Variants in SETD1A observed in about 807,000 individuals in gnomAD.
SETD1A encodes the protein histone-lysine N-methyltransferase SETD1A.
Under a neutral mutation model 149.9 loss-of-function variants are expected in SETD1A, and 29 were observed. The ratio of observed to expected loss-of-function variants is 0.19; its 90% CI spans 0.14 to 0.26. The LOEUF (loss-of-function observed/expected upper bound fraction) is 0.26, where lower values mean the gene tolerates loss of function less well. SETD1A is among the 10% of genes least tolerant of loss of function. The pLI, the probability that SETD1A is intolerant of heterozygous loss-of-function variation, is 1.00. For missense variants in SETD1A, 2,109 were observed against 2,353.1 expected, an observed-to-expected ratio of 0.90 and a Z score of 2.15; for synonymous variants, 1,141 against 968.5, an observed-to-expected ratio of 1.18 and a Z score of -3.31.
chr16:30,972,748 G>C (rs2056240888), intron 13 of SETD1A, among the ~76,000 whole-genome samples: 2 of 152,020 alleles, frequency 1.3e-5, no homozygotes, highest in Admixed American at 1.3e-4. Flanking sequence ...CAGCTGCTCG[G>C]GAGGCTGAGG....
At chr16:30,963,306 A>G in intron 4 of SETD1A, 127 bp from the exon 5 acceptor site, 2 of 810,034 alleles carry the variant, frequency 2.5e-6, no homozygotes, top group Non-Finnish European at 3.8e-6. Context: ...TGGTAGGAGA[A>G]CTGAAATCCT....
intron 13 of SETD1A, among the ~76,000 whole-genome samples, chr16:30,975,040 G>A (rs1183685051): frequency 1.3e-5 from 2 of 152,026 alleles, no homozygotes; most frequent in South Asian, 2.1e-4. Flanking sequence ...CCAGCTACTC[G>A]GGAGGCTGAG....
chr16:30,973,373 G>A (rs1374415328), intron 13 of SETD1A, among the ~76,000 whole-genome samples: 1 of 152,136 alleles, frequency 6.6e-6, no homozygotes, highest in Non-Finnish European at 1.5e-5. Flanking sequence ...TGCAAGGATA[G>A]ATCAAATAAG....
Position 30,979,216 on chromosome 16 carries a change from G to T in SETD1A, c.3430G>T (p.Ala1144Ser), listed in dbSNP as rs1380657156. 8.9e-5 allele frequency: 138 copies of T among 1,551,384 alleles called. No individual in the cohort carries two copies. In the Admixed American group the frequency reaches 9.5e-4, roughly 11 times the overall value. The change falls in exon 14 of 19, where the codon GCC becomes TCC. Residue 1144 changes from alanine (A) to serine (S), a missense_variant. Around this residue, in one of 8 missense-constraint regions of SETD1A, gnomAD observed 832 missense variants for 815.6 expected, o/e 1.02. Transcript: ENST00000262519. ...ACCACCTGCTGGGCCCCCGGCCCCT[G>T]CCCCACGCCCCGATGAGCGTCCCTC... ...PEPPAGPPAP[A>S]PRPDERPSSP...
At position 30,980,578 on chromosome 16, in the gene SETD1A, C is replaced by T; in HGVS notation, c.4502C>T (p.Pro1501Leu). 6.2e-7 allele frequency: 1 copy of T among 1,614,166 alleles called. No individual in the cohort carries two copies. The highest frequency in any genetic ancestry group is 8.5e-7 in the Non-Finnish European group (1 of 1,180,044). ...TGSARSEGYYPISKKEKDKYL... is the reference protein window; with the variant it reads ...TGSARSEGYYLISKKEKDKYL... ...TCAGCCCGCAGCGAAGGCTACTACC[C>T]CATCAGCAAGAAGGAGAAGGACAAG... The change falls in exon 15 of 19, where the codon CCC becomes CTC. Residue 1501 changes from proline to leucine, a missense_variant. Transcript: ENST00000262519. The surrounding 1 kb of genome is among the most constrained non-coding windows in gnomAD (Gnocchi z 7.7).
intron 4 of SETD1A, among the ~76,000 whole-genome samples, chr16:30,962,420 T>G (rs907774897): frequency 2.0e-5 from 3 of 152,192 alleles, no homozygotes; most frequent in African/African-American, 7.2e-5. Flanking sequence ...TGGTGCCAGA[T>G]TCTCAGAAAT....
At chr16:30,970,285 T>G (rs2056208729) in intron 12 of SETD1A, among the ~76,000 whole-genome samples, 1 of 122,238 alleles carries the variant, frequency 8.2e-6, no homozygotes, top group Non-Finnish European at 1.8e-5. Context: ...TTTTTTTTTT[T>G]GAGACAGAGT....
In SETD1A at chr16:30,964,353, C is replaced by T. The variant is rs1034668535; in HGVS notation, c.869+30C>T. On this transcript the variant is annotated intron_variant, in intron 6 of 18. Transcript: ENST00000262519. ...AGAGCAGACCCCGCCTGGGGCCCCG[C>T]CCGCAAAGTCTGGGAGCTGCCACTG... The T allele has an allele frequency of 1.9e-6, 3 of 1,560,230 alleles. No individual in the cohort carries two copies. In the African/African-American group the frequency reaches 4.1e-5, roughly 21 times the overall value.
chr16:30,963,278 G>T (rs954609609), intron 4 of SETD1A, among the ~76,000 whole-genome samples, 155 bp from the exon 5 acceptor site: 3 of 152,162 alleles, frequency 2.0e-5, no homozygotes, highest in Non-Finnish European at 2.9e-5. Flanking sequence ...AAGGTAGAAG[G>T]TCCCAAAGGT....
Position 30,965,816 on chromosome 16 carries a change from G to C in SETD1A, c.1935G>C (p.Glu645Asp). Residue 645 changes from glutamate to aspartate, a missense_variant, in exon 8 of 19, where the codon GAG becomes GAC. Glu to Asp is a conservative substitution (Grantham distance 45). Transcript: ENST00000262519. ...PPRPDGPPPP[E>D]YPPPPPPPPH... ...GACCTGATGGGCCGCCGCCCCCTGAGTACCCCCCACCTCCTCCACCACCCC... is the reference window on the plus strand; with the variant it reads ...GACCTGATGGGCCGCCGCCCCCTGACTACCCCCCACCTCCTCCACCACCCC... The C allele has an allele frequency of 6.3e-7, 1 of 1,588,712 alleles. No individual in the cohort carries two copies. Among genetic ancestry groups the C allele is most frequent in the Non-Finnish European group, 8.6e-7 (1 of 1,166,800 alleles).
At chr16:30,973,826 C>T (rs984862690) in intron 13 of SETD1A, among the ~76,000 whole-genome samples, 2 of 152,114 alleles carry the variant, frequency 1.3e-5, no homozygotes, top group African/African-American at 4.8e-5. Flanking sequence ...CTCATTACAC[C>T]TCAGATGACT....
chr16:30,981,015 G>C (rs111254937), intron 16 of SETD1A, 46 bp from the exon 17 acceptor site: 2 of 1,611,462 alleles, frequency 1.2e-6, no homozygotes, highest in South Asian at 2.2e-5. Flanking sequence ...TGAGGGTCTG[G>C]GGTGTGGGAG....
At position 30,964,698 on chromosome 16, in the gene SETD1A, C is replaced by T. The variant is rs977113400; in HGVS notation, c.956C>T (p.Ala319Val). The change falls in exon 7 of 19, where the codon GCC (alanine) becomes GTC (valine). Residue 319 changes from alanine to valine, a missense_variant. Coordinates refer to ENST00000262519, the MANE Select transcript of SETD1A (RefSeq NM_014712.3). ...FSRRHFSASSASTTASTAIAA... is the reference protein window; with the variant it reads ...FSRRHFSASSVSTTASTAIAA... ...CGCCGCCACTTCTCTGCATCTTCAG[C>T]CTCCACAACCGCCTCCACGGCCATC... The T allele has an allele frequency of 6.2e-7, 1 of 1,614,176 alleles. No individual in the cohort carries two copies. Among genetic ancestry groups the T allele is most frequent in the Non-Finnish European group, 8.5e-7 (1 of 1,180,038 alleles).
At chr16:30,964,355 C>G in intron 6 of SETD1A, 32 bp downstream of exon 6, 1 of 1,558,480 alleles carries the variant, frequency 6.4e-7, no homozygotes, top group Non-Finnish European at 8.8e-7. Context: ...GGGCCCCGCC[C>G]GCAAAGTCTG....
Position 30,965,281 on chromosome 16 carries a change from G to A in SETD1A, c.1539G>A (p.Glu513=), listed in dbSNP as rs750562983. 6.2e-7 allele frequency: 1 copy of A among 1,614,264 alleles called. No homozygotes were observed. The highest frequency in any genetic ancestry group is 1.7e-5 in the Admixed American group (1 of 60,032). Reference sequence around the variant, plus strand: ...TCTTGGCCTCTGACACAGAGGAGGAGGAAGAGAACAGCAGCATGGTCCTTG... The same window carrying A: ...TCTTGGCCTCTGACACAGAGGAGGAAGAAGAGAACAGCAGCATGGTCCTTG... The part of the protein sequence containing the change: ...FSFLASDTEE[E]EENSSMVLGA... Residue 513 remains glutamate (E), a synonymous_variant, in exon 7 of 19, where the codon GAG becomes GAA. Transcript: ENST00000262519.
chr16:30,960,638 C>T (rs904604500), intron 3 of SETD1A, among the ~76,000 whole-genome samples: 2 of 152,020 alleles, frequency 1.3e-5, no homozygotes, highest in African/African-American at 4.8e-5. Context: ...ATGGTAGTTA[C>T]CTAGTAAAGG....
chr16:30,968,963 G>A (rs2056189461), intron 10 of SETD1A, among the ~76,000 whole-genome samples: 6 of 151,802 alleles, frequency 4.0e-5, no homozygotes, highest in Admixed American at 3.9e-4. Context: ...AAAATTAGCT[G>A]GGTATGATTG....
At chr16:30,981,317 T>A in intron 17 of SETD1A, 137 bp downstream of exon 17, 2 of 1,091,892 alleles carry the variant, frequency 1.8e-6, no homozygotes, top group Non-Finnish European at 2.6e-6. Context: ...CCAGCCTCCC[T>A]CCGGTGTGGT....
intron 13 of SETD1A, among the ~76,000 whole-genome samples, chr16:30,976,497 G>T (rs1022962786): frequency 1.3e-5 from 2 of 152,138 alleles, no homozygotes; most frequent in Non-Finnish European, 2.9e-5. Flanking sequence ...ATGAGGACCT[G>T]GGGCTGTGCT....
Sources: gnomAD v4.1 joint callset for allele counts (sites outside exome capture counted in the v4.1 genomes callset) on GRCh38, gnomAD v4.1.1 for gene constraint, gnomAD v4.1.1 regional missense constraint, Gnocchi (gnomAD v3.1) non-coding constraint, MANE v1.5 for transcripts, NCBI Gene and HGNC (gene_info 2026-07-23, HGNC 2026-07-21) for gene names.